Variants in NEO1 observed in about 807,000 individuals in gnomAD.
NEO1 encodes the protein neogenin 1.
A neutral mutation model predicts 159.7 loss-of-function variants in NEO1; 63 were observed. The ratio of observed to expected loss-of-function variants is 0.39; its 90% CI spans 0.32 to 0.49. The LOEUF is 0.49. NEO1 is among the 20% of genes least tolerant of loss of function. The pLI is 0.85. For synonymous variants in NEO1, 633 were observed against 662.0 expected (o/e 0.96, Z 0.67); for missense variants, 1,615 against 1,831.0 (o/e 0.88, Z 2.15).
chr15:73,082,872 T>G (rs1157134926), intron 1 of NEO1, among the ~76,000 whole-genome samples: 1 of 152,160 alleles, frequency 6.6e-6, no homozygotes, highest in East Asian at 1.9e-4. Flanking sequence ...CCCTGGCTAG[T>G]GTATCAGAGA....
rs141174392 is a variant in NEO1 at position 73,236,938 on chromosome 15, C to A, written c.1451+432C>A. 6.6e-5 allele frequency among the ~76,000 whole-genome samples: 10 copies of A among 152,290 alleles called. No homozygotes were observed. In the East Asian group the frequency reaches 1.9e-3, roughly 29 times the overall value. ...TTAGTGATGACTTTTCCTAAAATAG[C>A]ATTTTCATTACATTCCTCTTCATTT... is the stretch of plus-strand genomic sequence containing the variant. On this transcript the variant is annotated intron_variant, in intron 8 of 28. Transcript: ENST00000261908.
At chr15:73,139,254 G>A (rs1377581042) in intron 5 of NEO1, among the ~76,000 whole-genome samples, 1 of 152,016 alleles carries the variant, frequency 6.6e-6, no homozygotes, top group Non-Finnish European at 1.5e-5. Context: ...ATTGACGTTG[G>A]TCTTTGCAAA....
At chr15:73,193,066 G>A (rs1195048215) in intron 7 of NEO1, among the ~76,000 whole-genome samples, 1 of 151,942 alleles carries the variant, frequency 6.6e-6, no homozygotes, top group Non-Finnish European at 1.5e-5. Flanking sequence ...AAAGTATTTG[G>A]CAACAGTCTG....
At chr15:73,168,999 T>C (rs975682618) in intron 5 of NEO1, among the ~76,000 whole-genome samples, 7 of 152,126 alleles carry the variant, frequency 4.6e-5, no homozygotes, top group Admixed American at 2.0e-4. Context: ...TTAATAAGAA[T>C]TTCAGTCCAT....
intron 23 of NEO1, among the ~76,000 whole-genome samples, chr15:73,286,924 C>T (rs576920609): frequency 6.6e-6 from 1 of 152,306 alleles, no homozygotes; most frequent in Admixed American, 6.5e-5. Context: ...CTGGTCTCCT[C>T]TTCTATCCCC....
intron 23 of NEO1, among the ~76,000 whole-genome samples, chr15:73,287,873 C>T (rs1461391493): frequency 1.5e-5 from 2 of 135,878 alleles, no homozygotes; most frequent in African/African-American, 5.3e-5. Context: ...AGCAAAACTC[C>T]ATCTCAAAAA....
chr15:73,253,251 A>G, intron 11 of NEO1, 149 bp from the exon 12 acceptor site: 1 of 461,164 alleles, frequency 2.2e-6, no homozygotes, highest in Non-Finnish European at 3.8e-6. Context: ...AGTATTGTCA[A>G]CATGAGGGCA....
At chr15:73,277,600 T>C (rs2041477865) in intron 21 of NEO1, among the ~76,000 whole-genome samples, 2 of 152,208 alleles carry the variant, frequency 1.3e-5, no homozygotes, top group African/African-American at 4.8e-5. Flanking sequence ...TTTACCTTCC[T>C]GCTCCTGCTT....
At chr15:73,290,125 A>T (rs1233859471) in intron 25 of NEO1, among the ~76,000 whole-genome samples, 1 of 152,036 alleles carries the variant, frequency 6.6e-6, no homozygotes, top group African/African-American at 2.4e-5. Flanking sequence ...CAACAGAGCC[A>T]AGAGCCAGTC....
In NEO1 at chr15:73,168,927, C is replaced by T. The variant is rs1381534613; in HGVS notation, c.1016-7476C>T. Among the ~76,000 whole-genome samples, 3 of 151,476 alleles carry T rather than the reference C, an allele frequency of 2.0e-5. No individual in the cohort carries two copies. The East Asian group carries it at 5.8e-4, about 29-fold the overall frequency. On this transcript the variant is annotated intron_variant, in intron 5 of 28. Transcript: ENST00000261908. The stretch of plus-strand genomic sequence containing the variant: ...GGCATAGATGTAAATTTGTGAATTA[C>T]AGAAAAGAAGCAGTTTTAACATGAA...
chr15:73,301,392 C>A lies in NEO1; in HGVS notation c.4237C>A (p.Pro1413Thr). The A allele has an allele frequency of 3.7e-6, 6 of 1,614,170 alleles. No individual in the cohort carries two copies. In the South Asian group the frequency reaches 6.6e-5, roughly 18 times the overall value. The change falls in exon 28 of 29, where the codon CCA becomes ACA. Residue 1413 changes from proline (P) to threonine (T), a missense_variant. Coordinates refer to ENST00000261908, the MANE Select transcript of NEO1 (RefSeq NM_002499.4). The part of the protein sequence containing the change: ...GTLGRSRPPM[P>T]VVVPSAPEVQ... Reference sequence around the variant, plus strand: ...TCTAGGAAGGAGCCGGCCTCCTATGCCAGTGGTTGTTCCCAGTGCCCCTGA... The same window carrying A: ...TCTAGGAAGGAGCCGGCCTCCTATGACAGTGGTTGTTCCCAGTGCCCCTGA...
chr15:73,134,743 T>A (rs1013906640), intron 4 of NEO1, among the ~76,000 whole-genome samples: 3 of 152,046 alleles, frequency 2.0e-5, no homozygotes, highest in Non-Finnish European at 4.4e-5. Context: ...AGAGATGGGG[T>A]TTCTCCTGTA....
At position 73,266,322 on chromosome 15, in the gene NEO1, G is replaced by A; in HGVS notation, c.2405G>A (p.Ser802Asn). Residue 802 changes from serine (S) to asparagine (N), a missense_variant, in exon 16 of 29, where the codon AGC becomes AAC. By Grantham distance (46) the Ser-to-Asn change is conservative. Coordinates refer to ENST00000261908, the MANE Select transcript of NEO1 (RefSeq NM_002499.4). ...TGTGTTTCTTTTTTTTCAGATCCCA[G>A]CTCTCACTATGTGATTACCCTGAAA... ...RYYTIENLDP[S>N]SHYVITLKAF... 1 of 1,604,966 alleles carries A rather than the reference G, an allele frequency of 6.2e-7. No homozygotes were observed. Among genetic ancestry groups the A allele is most frequent in the Non-Finnish European group, 8.5e-7 (1 of 1,175,786 alleles).
chr15:73,250,315 T>C (rs2040008635), intron 11 of NEO1, among the ~76,000 whole-genome samples: 1 of 152,120 alleles, frequency 6.6e-6, no homozygotes, highest in African/African-American at 2.4e-5. Context: ...ACAGAAAAGA[T>C]TAGAGTTCAT....
intron 24 of NEO1, 108 bp downstream of exon 24, chr15:73,288,659 T>C: frequency 1.1e-6 from 1 of 880,178 alleles, no homozygotes; most frequent in African/African-American, 1.7e-5. Flanking sequence ...CTATATGAGA[T>C]CAGATTTAGA....
intron 1 of NEO1, among the ~76,000 whole-genome samples, chr15:73,059,004 A>G (rs750366437): frequency 1.3e-5 from 2 of 152,234 alleles, no homozygotes; most frequent in South Asian, 2.1e-4. Flanking sequence ...AAAATCGTCT[A>G]TGTTACTTGC....
intron 5 of NEO1, among the ~76,000 whole-genome samples, chr15:73,168,919 G>A (rs372341872): frequency 6.6e-6 from 1 of 151,366 alleles, no homozygotes. Flanking sequence ...ATGTAAATTT[G>A]TGAATTACAG....
At chr15:73,274,099 T>C in intron 20 of NEO1, 94 bp downstream of exon 20, 4 of 1,176,386 alleles carry the variant, frequency 3.4e-6, no homozygotes, top group Non-Finnish European at 4.8e-6. Context: ...GTGGATAGTA[T>C]ATGAAGTCTT....
intron 23 of NEO1, among the ~76,000 whole-genome samples, chr15:73,284,827 A>G (rs2041880296): frequency 6.6e-6 from 1 of 151,848 alleles, no homozygotes; most frequent in South Asian, 2.1e-4. Context: ...ACCTCAAATG[A>G]TCCGCCCGCC....
Sources: gnomAD v4.1 joint callset for allele counts (sites outside exome capture counted in the v4.1 genomes callset) on GRCh38, gnomAD v4.1.1 for gene constraint, MANE v1.5 for transcripts, NCBI Gene and HGNC (gene_info 2026-07-23, HGNC 2026-07-21) for gene names.